Variants in TTC1 observed in about 807,000 individuals in gnomAD.
TTC1 encodes tetratricopeptide repeat protein 1.
TTC1 carries 31 observed loss-of-function variants against 37.6 expected under a neutral mutation model. The ratio of observed to expected loss-of-function variants is 0.82; its 90% confidence interval spans 0.62 to 1.11. TTC1 has a LOEUF of 1.11. TTC1 is among the 50% of genes most tolerant of loss of function. The pLI, the probability that TTC1 is intolerant of heterozygous loss-of-function variation, is 0.00. For missense variants in TTC1, 351 were observed against 339.0 expected (o/e 1.04, Z -0.28); for synonymous variants, 127 against 122.4 (o/e 1.04, Z -0.25).
intron 4 of TTC1, among the ~76,000 whole-genome samples, chr5:160,041,877 A>G (rs977396152): frequency 6.6e-6 from 1 of 152,162 alleles, no homozygotes; most frequent in Non-Finnish European, 1.5e-5. Flanking sequence ...CAACACCACT[A>G]TCTAGTTCCA....
At chr5:160,047,494 T>G (rs1283939804) in intron 5 of TTC1, among the ~76,000 whole-genome samples, 2 of 152,240 alleles carry the variant, frequency 1.3e-5, no homozygotes, top group African/African-American at 4.8e-5. Flanking sequence ...TTCTCTCATC[T>G]GGACCACTGC....
Position 160,023,526 on chromosome 5 carries a change from T to C in TTC1, c.331-11614T>C, listed in dbSNP as rs116460865. Among the ~76,000 whole-genome samples the C allele has an allele frequency of 2.8e-3, 423 of 152,256 alleles. 4 individuals are homozygous for C. Among genetic ancestry groups the C allele is most frequent in the African/African-American group, 9.8e-3 (407 of 41,558 alleles). On this transcript the variant is annotated intron_variant, in intron 2 of 7. Transcript: ENST00000231238. ...CAGGCTGAAGTTTTCTTGAAGAATA[T>C]GGTTTTCTCTGTCAAGAAACTTATA...
At chr5:160,051,082 GTT>G (rs5872626) in intron 6 of TTC1, 45 bp from the exon 7 acceptor site, 84,066 of 1,205,792 alleles carry the variant, frequency 0.07, 260 homozygotes, top group Admixed American at 0.17. Flanking sequence ...AAAGGTTTTG[GTT>G]TTTTTTTTTT....
rs571967072 is a variant in TTC1, at chr5:160,057,415, A to G, written c.745+6232A>G. Reference sequence around the variant, plus strand: ...CAACAGCACTGTGTCTAAAAAAAAAAAATGTACATACCTTAATTTTAAAAT... The same window carrying G: ...CAACAGCACTGTGTCTAAAAAAAAAGAATGTACATACCTTAATTTTAAAAT... On this transcript the variant is annotated intron_variant, in intron 7 of 7. Transcript: ENST00000231238. This position sits in a 1 kb window ranked among gnomAD's most constrained non-coding sequence, Gnocchi z 4.4. Among the ~76,000 whole-genome samples the G allele has an allele frequency of 5.9e-5, 9 of 151,974 alleles. No individual in the cohort carries two copies. In the East Asian group the frequency reaches 1.5e-3, roughly 26 times the overall value.
chr5:160,026,438 T>G lies in TTC1; in HGVS notation c.331-8702T>G, dbSNP rs186925998. ...CAACTAATGTTGTATTGTCTGTTGC[T>G]CCTCTGAATTCAGTCAGTTTTTCCT... On this transcript the variant is annotated intron_variant, in intron 2 of 7. Coordinates refer to ENST00000231238, the MANE Select transcript of TTC1 (RefSeq NM_003314.3). 2.6e-3 allele frequency among the ~76,000 whole-genome samples: 402 copies of G among 152,362 alleles called. 1 individual carries two copies. The highest frequency in any genetic ancestry group is 9.1e-3 in the African/African-American group (379 of 41,584).
intron 4 of TTC1, among the ~76,000 whole-genome samples, chr5:160,038,370 C>T (rs1000352648): frequency 6.6e-6 from 1 of 152,190 alleles, no homozygotes; most frequent in African/African-American, 2.4e-5. Context: ...TGGACATTGT[C>T]ATTGTGAAAT....
At chr5:160,022,530 T>A (rs931063800) in intron 2 of TTC1, among the ~76,000 whole-genome samples, 2 of 152,236 alleles carry the variant, frequency 1.3e-5, no homozygotes, top group African/African-American at 4.8e-5. Context: ...TAATAAGTAT[T>A]ATGAGTTTTA....
chr5:160,055,819 G>A (rs1004920733), intron 7 of TTC1, among the ~76,000 whole-genome samples: 2 of 152,232 alleles, frequency 1.3e-5, no homozygotes, highest in African/African-American at 4.8e-5. Flanking sequence ...ATGGCACTGA[G>A]TTTTATCTTT....
At chr5:160,045,284 A>G (rs1346360967) in intron 5 of TTC1, among the ~76,000 whole-genome samples, 2 of 152,158 alleles carry the variant, frequency 1.3e-5, no homozygotes, top group Non-Finnish European at 2.9e-5. Flanking sequence ...AAAGGAGAAG[A>G]AAGTGTTTTC....
rs538003918 is a variant in TTC1 at position 160,011,257 on chromosome 5, T to G, written c.330+399T>G. On this transcript the variant is annotated intron_variant, in intron 2 of 7. Transcript: ENST00000231238. ...TACATTTATGTTTATGAACATTTCC[T>G]GTTTATGCTAATCCCTTGTTAGCAA... is the stretch of plus-strand genomic sequence containing the variant. 3.1e-4 allele frequency among the ~76,000 whole-genome samples: 47 copies of G among 152,388 alleles called. No individual in the cohort carries two copies. In the South Asian group the frequency reaches 3.1e-3, roughly 10 times the overall value.
chr5:160,037,707 A>C (rs1424684600), intron 4 of TTC1, among the ~76,000 whole-genome samples: 1 of 152,242 alleles, frequency 6.6e-6, no homozygotes, highest in African/African-American at 2.4e-5. Flanking sequence ...GTCTCAAAAA[A>C]AAAGTTAGAT....
At position 160,013,604 on chromosome 5, in the gene TTC1, G is replaced by A. The variant is rs147108014; in HGVS notation, c.330+2746G>A. ...CTAAAAATACAAAAATTAACTGGAC[G>A]TGGTGGTGTGCGCCTGTAATCCCAG... On this transcript the variant is annotated intron_variant, in intron 2 of 7. Coordinates refer to ENST00000231238, the MANE Select transcript of TTC1 (RefSeq NM_003314.3). 4.7e-4 allele frequency among the ~76,000 whole-genome samples: 72 copies of A among 151,982 alleles called. 1 individual carries two copies. Among genetic ancestry groups the A allele is most frequent in the Middle Eastern group, 3.4e-3 (1 of 294 alleles).
chr5:160,048,930 G>A (rs1757328319), intron 5 of TTC1, among the ~76,000 whole-genome samples: 1 of 142,678 alleles, frequency 7.0e-6, no homozygotes, highest in South Asian at 2.4e-4. Context: ...CAGCCTGGGT[G>A]ACAGAGCGAG....
intron 1 of TTC1, among the ~76,000 whole-genome samples, chr5:160,009,716 G>A (rs1756461622): frequency 6.6e-6 from 1 of 152,216 alleles, no homozygotes; most frequent in Admixed American, 6.5e-5. Context: ...CTCTTGGGCA[G>A]CTAGGGTTCA....
intron 7 of TTC1, among the ~76,000 whole-genome samples, chr5:160,056,244 C>T (rs1561640011): frequency 2.0e-5 from 3 of 152,246 alleles, no homozygotes; most frequent in Non-Finnish European, 2.9e-5. Context: ...CCTGCCCTGG[C>T]CACTCTGGCA....
In TTC1 at chr5:160,035,147, G is replaced by C. The variant is rs374516837; in HGVS notation, c.338G>C (p.Arg113Thr). Residue 113 changes from arginine (R) to threonine (T), a missense_variant, in exon 3 of 8, where the codon AGA becomes ACA. Physicochemically the swap from Arg to Thr is moderately conservative, Grantham distance 71. Transcript: ENST00000231238. ...TTCTCTGATGTCTTTCAGAAAAGAA[G>C]AGAAGAGAGCACTAGACTAAAGGAG... ...NMSDEEKQKR[R>T]EESTRLKEEG... is the part of the protein sequence containing the mutation. The C allele has an allele frequency of 3.1e-6, 5 of 1,597,220 alleles. No individual in the cohort carries two copies. The African/African-American group carries it at 6.8e-5, about 22-fold the overall frequency.
Position 160,010,689 on chromosome 5 carries a change from A to G in TTC1, c.161A>G (p.Gln54Arg), listed in dbSNP as rs1231791660. ...CTCAGGGATGATGAGGCCCATCTCC[A>G]GGAGGACCAGGGAGAAGAGGAGTGT... is the stretch of plus-strand genomic sequence containing the variant. ...KLLRDDEAHL[Q>R]EDQGEEECFH... The change falls in exon 2 of 8, where the codon CAG becomes CGG. Residue 54 changes from glutamine to arginine, a missense_variant. Gln to Arg is a conservative substitution (Grantham distance 43). Coordinates refer to ENST00000231238, the MANE Select transcript of TTC1 (RefSeq NM_003314.3). 1.2e-6 allele frequency: 2 copies of G among 1,613,790 alleles called. No individual in the cohort carries two copies. The highest frequency in any genetic ancestry group is 1.7e-6 in the Non-Finnish European group (2 of 1,179,872).
chr5:160,019,187 T>C (rs1045916971), intron 2 of TTC1, among the ~76,000 whole-genome samples: 2 of 152,210 alleles, frequency 1.3e-5, no homozygotes, highest in Non-Finnish European at 2.9e-5. Context: ...AGTCTGTTGC[T>C]TGGTGAACAT....
In TTC1 at chr5:160,010,487, T is replaced by G. The variant is rs1398338611; in HGVS notation, c.-29-13T>G. ...GCACCATTATATAGCAGTTTTGTTT[T>G]GTTTTCCCCCAGCTTTAGCGTCACC... On this transcript the variant is annotated splice_polypyrimidine_tract_variant and intron_variant, in intron 1 of 7. Coordinates refer to ENST00000231238, the MANE Select transcript of TTC1 (RefSeq NM_003314.3). 1.9e-6 allele frequency: 3 copies of G among 1,562,360 alleles called. No homozygotes were observed. In the South Asian group the frequency reaches 3.5e-5, roughly 18 times the overall value.
Sources: allele counts gnomAD v4.1 joint callset (sites outside exome capture counted in the v4.1 genomes callset), GRCh38; gene constraint gnomAD v4.1.1; non-coding constraint Gnocchi (gnomAD v3.1); transcripts MANE v1.5; gene names NCBI Gene and HGNC (gene_info 2026-07-23, HGNC 2026-07-21).